KLHL28: variants seen among roughly 807,000 people sequenced by gnomAD.
The protein encoded by KLHL28 is kelch like family member 28, also known as kelch-like protein 28.
A neutral mutation model predicts 48.3 loss-of-function variants in KLHL28; 22 were observed. That is an observed-to-expected ratio of 0.46 (90% CI 0.33 to 0.65). KLHL28 has a LOEUF of 0.65. KLHL28 is among the 30% of genes least tolerant of loss of function. The pLI, the probability that KLHL28 is intolerant of heterozygous loss-of-function variation, is 0.03. For synonymous variants in KLHL28, 243 were observed against 242.4 expected (o/e 1.00, Z -0.02); for missense variants, 527 against 704.3 (o/e 0.75, Z 2.85).
intron 1 of KLHL28, among the ~76,000 whole-genome samples, chr14:44,947,400 A>ATTTGT (rs1594579473): frequency 2.0e-5 from 3 of 152,210 alleles, no homozygotes; most frequent in South Asian, 4.1e-4. Flanking sequence ...GAGAGAATAC[A>ATTTGT]TTTGTTTTGT....
intron 2 of KLHL28, among the ~76,000 whole-genome samples, chr14:44,942,477 A>G (rs1884142802): frequency 6.6e-6 from 1 of 152,188 alleles, no homozygotes; most frequent in Non-Finnish European, 1.5e-5. Context: ...CCAGAATGAT[A>G]CAAATCTAAT....
At chr14:44,937,051 G>A (rs1428595201) in intron 2 of KLHL28, among the ~76,000 whole-genome samples, 1 of 149,408 alleles carries the variant, frequency 6.7e-6, no homozygotes, top group African/African-American at 2.5e-5. Context: ...GGCATCTGAA[G>A]TAGGAACAGT....
At chr14:44,935,235 A>G (rs1883759006) in intron 2 of KLHL28, among the ~76,000 whole-genome samples, 1 of 152,214 alleles carries the variant, frequency 6.6e-6, no homozygotes, top group Non-Finnish European at 1.5e-5. Context: ...ATATCAATTA[A>G]GTTCAAAAAC....
Position 44,945,563 on chromosome 14 carries a change from T to A in KLHL28, c.366A>T (p.Lys122Asn). The A allele has an allele frequency of 1.2e-6, 2 of 1,614,204 alleles. No individual in the cohort carries two copies. Among genetic ancestry groups the A allele is most frequent in the Non-Finnish European group, 1.7e-6 (2 of 1,180,044 alleles). Reference sequence around the variant, plus strand: ...GGCTTTCAAGAAATGCACAACATTCTTTCAGGACAAGTTTTATCTGGAGTA... The same window carrying A: ...GGCTTTCAAGAAATGCACAACATTCATTCAGGACAAGTTTTATCTGGAGTA... ...ANLLQIKLVLKECCAFLESQL... is the reference protein window; with the variant it reads ...ANLLQIKLVLNECCAFLESQL... The change falls in exon 2 of 5, where the codon AAA becomes AAT. Residue 122 changes from lysine (K) to asparagine (N), a missense_variant. By Grantham distance (94) the Lys-to-Asn change is moderately conservative. Transcript: ENST00000396128.
intron 3 of KLHL28, among the ~76,000 whole-genome samples, chr14:44,933,845 T>C (rs921790232): frequency 6.6e-6 from 1 of 152,216 alleles, no homozygotes; most frequent in Non-Finnish European, 1.5e-5. Flanking sequence ...TCTAAAGTTG[T>C]CTAACTTCAT....
chr14:44,956,766 TTAATA>T, intron 1 of KLHL28, among the ~76,000 whole-genome samples: 1 of 152,344 alleles, frequency 6.6e-6, no homozygotes. Context: ...GACTGGATTA[TTAATA>T]TATTAATTAA....
At chr14:44,934,011 G>A (rs530236431) in intron 3 of KLHL28, 104 bp downstream of exon 3, 16 of 831,380 alleles carry the variant, frequency 1.9e-5, no homozygotes, top group Admixed American at 6.2e-5. Context: ...CCCAAATGCC[G>A]GAAGTTCATT....
chr14:44,949,948 G>C (rs1412542463), intron 1 of KLHL28, among the ~76,000 whole-genome samples: 1 of 151,948 alleles, frequency 6.6e-6, no homozygotes, highest in Non-Finnish European at 1.5e-5. Flanking sequence ...ACAGATTTTG[G>C]GTATCATCCT....
intron 1 of KLHL28, among the ~76,000 whole-genome samples, chr14:44,952,952 A>C (rs2138658550): frequency 6.6e-6 from 1 of 152,222 alleles, no homozygotes; most frequent in East Asian, 1.9e-4. Context: ...AAAAGCATTA[A>C]TTTTAGAGTC....
chr14:44,934,561 A>G lies in KLHL28; in HGVS notation c.900-3T>C, dbSNP rs1883728748. 3 of 1,546,552 alleles carry G rather than the reference A, an allele frequency of 1.9e-6. No individual in the cohort carries two copies. The highest frequency in any genetic ancestry group is 1.2e-5 in the South Asian group (1 of 80,262). On this transcript the variant is annotated splice_polypyrimidine_tract_variant and splice_region_variant and intron_variant, in intron 2 of 4. Transcript: ENST00000396128. ...TCTGAGGAAAGTACATCTCCACACT[A>G]AAGAATAAGCAGAAAAAATATAAAA...
Position 44,945,299 on chromosome 14 carries a change from T to G in KLHL28, c.630A>C (p.Val210=). ...GTGCTAAGTATTTCTGGCGTTCTTG[T>G]ACATCATACTTGATCCAAGACTCTA... The part of the protein sequence containing the change: ...YALESWIKYD[V]QERQKYLAQL... Residue 210 remains valine (V), a synonymous_variant, in exon 2 of 5, where the codon GTA becomes GTC. Transcript: ENST00000396128. 1.9e-6 allele frequency: 3 copies of G among 1,614,178 alleles called. No individual in the cohort carries two copies. The highest frequency in any genetic ancestry group is 1.7e-6 in the Non-Finnish European group (2 of 1,180,016).
rs546499607 is a variant in KLHL28, at chr14:44,944,942, C to A, written c.899+88G>T. The A allele has an allele frequency of 1.1e-5, 11 of 1,004,056 alleles. No homozygotes were observed. The East Asian group carries it at 2.0e-4, about 19-fold the overall frequency. 62.2% of individuals were successfully genotyped at this position (1,004,056 alleles called of 1,614,324 possible). ...AGCAAAGAAAAGTAAAAAGGAAAAT[C>A]AAACTATTTTTAAAATATAGAAAAT... On this transcript the variant is annotated intron_variant, in intron 2 of 4. Coordinates refer to ENST00000396128, the MANE Select transcript of KLHL28 (RefSeq NM_017658.5).
intron 3 of KLHL28, among the ~76,000 whole-genome samples, chr14:44,931,754 T>C (rs978619222): frequency 5.3e-5 from 8 of 152,106 alleles, no homozygotes; most frequent in Non-Finnish European, 1.0e-4. Flanking sequence ...GCTATTCCAT[T>C]ATATTGTGCA....
At chr14:44,957,111 C>G (rs1204043354) in intron 1 of KLHL28, among the ~76,000 whole-genome samples, 1 of 151,990 alleles carries the variant, frequency 6.6e-6, no homozygotes, top group Non-Finnish European at 1.5e-5. Flanking sequence ...GGTGTGAGCC[C>G]CCATGACCAG....
Position 44,929,202 on chromosome 14 carries a change from T to C in KLHL28, c.1553-11A>G, listed in dbSNP as rs1224740476. The C allele has an allele frequency of 4.4e-6, 7 of 1,583,094 alleles. No individual in the cohort carries two copies. The highest frequency in any genetic ancestry group is 2.7e-5 in the African/African-American group (2 of 73,450). ...CAGCAGCACCAACTCCTAGGAAAGG[T>C]TGGCAAAAAGAAGATAGAAACATGT... is the stretch of plus-strand genomic sequence containing the variant. On this transcript the variant is annotated splice_polypyrimidine_tract_variant and intron_variant, in intron 4 of 4. Coordinates refer to ENST00000396128, the MANE Select transcript of KLHL28 (RefSeq NM_017658.5).
At chr14:44,940,660 C>T (rs1186783436) in intron 2 of KLHL28, among the ~76,000 whole-genome samples, 1 of 152,134 alleles carries the variant, frequency 6.6e-6, no homozygotes, top group Admixed American at 6.6e-5. Context: ...TCAACCCCCC[C>T]GCCAGCCAGT....
intron 1 of KLHL28, among the ~76,000 whole-genome samples, chr14:44,952,403 G>C (rs549229686): frequency 6.6e-6 from 1 of 152,300 alleles, no homozygotes; most frequent in South Asian, 2.1e-4. Flanking sequence ...CAGGAAATGG[G>C]CAAACTGTGT....
At chr14:44,932,924 C>G (rs1397078590) in intron 3 of KLHL28, among the ~76,000 whole-genome samples, 1 of 152,168 alleles carries the variant, frequency 6.6e-6, no homozygotes, top group Non-Finnish European at 1.5e-5. Flanking sequence ...TGTGCCATCA[C>G]TTTCTCAGTC....
chr14:44,933,310 T>C (rs1030073529), intron 3 of KLHL28, among the ~76,000 whole-genome samples: 11 of 147,070 alleles, frequency 7.5e-5, no homozygotes, highest in African/African-American at 2.7e-4. Flanking sequence ...CTTTTCTTTC[T>C]TTCTTTTTTT....
Sources: allele counts gnomAD v4.1 joint callset (sites outside exome capture counted in the v4.1 genomes callset), GRCh38; gene constraint gnomAD v4.1.1; transcripts MANE v1.5; gene names NCBI Gene and HGNC (gene_info 2026-07-23, HGNC 2026-07-21).